GIGYF2: variants seen among roughly 807,000 people sequenced by gnomAD.
The protein encoded by GIGYF2 is GRB10-interacting GYF protein 2.
Under a neutral mutation model 208.1 loss-of-function variants are expected in GIGYF2, and 25 were observed. The ratio of observed to expected loss-of-function variants is 0.12; its 90% CI spans 0.09 to 0.17. GIGYF2 has a LOEUF of 0.17. Ranked by LOEUF, GIGYF2 falls within the 10% of genes least tolerant of loss-of-function variation. GIGYF2 has a pLI of 1.00. For missense variants in GIGYF2, 1,302 were observed against 1,579.4 expected (o/e 0.82, Z 2.98); for synonymous variants, 534 against 543.8 (o/e 0.98, Z 0.25).
chr2:232,836,069 T>TG (rs970707540), intron 22 of GIGYF2, among the ~76,000 whole-genome samples: 5 of 150,962 alleles, frequency 3.3e-5, no homozygotes, highest in African/African-American at 1.2e-4. Flanking sequence ...GAGTTAGCCC[T>TG]GGGTAAACGC....
At chr2:232,761,203 G>T (rs942145875) in intron 7 of GIGYF2, among the ~76,000 whole-genome samples, 193 bp from the exon 8 acceptor site, 11 of 152,128 alleles carry the variant, frequency 7.2e-5, no homozygotes, top group African/African-American at 2.7e-4. Flanking sequence ...CTTTTGGTAG[G>T]TGAGGGGATG....
In GIGYF2 at chr2:232,791,057, C is replaced by G; in HGVS notation, c.980C>G (p.Pro327Arg). ...GAAGAGCAGGAGATGGACTTCCGGCCTGTGGACGAAGGGGAGGAGTGCTCT... is the reference window on the plus strand; with the variant it reads ...GAAGAGCAGGAGATGGACTTCCGGCGTGTGGACGAAGGGGAGGAGTGCTCT... The part of the protein sequence containing the change: ...IPEEQEMDFR[P>R]VDEGEECSDS... The change falls in exon 11 of 29, where the codon CCT becomes CGT. Residue 327 changes from proline to arginine, a missense_variant. Pro to Arg is a moderately radical substitution (Grantham distance 103). Transcript: ENST00000373563. 6.2e-7 allele frequency: 1 copy of G among 1,613,952 alleles called. No homozygotes were observed. Among genetic ancestry groups the G allele is most frequent in the Non-Finnish European group, 8.5e-7 (1 of 1,179,920 alleles).
At chr2:232,826,054 A>G (rs557308617) in intron 21 of GIGYF2, among the ~76,000 whole-genome samples, 3 of 152,242 alleles carry the variant, frequency 2.0e-5, no homozygotes, top group African/African-American at 7.2e-5. Flanking sequence ...TTATGGCTGC[A>G]TAGTATTCCA....
At chr2:232,812,544 A>G (rs1054457410) in intron 18 of GIGYF2, 53 bp downstream of exon 18, 1 of 766,286 alleles carries the variant, frequency 1.3e-6, no homozygotes, top group Non-Finnish European at 2.4e-6. Context: ...GAGTCTAATA[A>G]TAATTTTACA....
intron 28 of GIGYF2, among the ~76,000 whole-genome samples, chr2:232,853,828 A>G (rs1389989636): frequency 2.6e-5 from 4 of 152,198 alleles, no homozygotes; most frequent in African/African-American, 7.2e-5. Flanking sequence ...CCTTACATCA[A>G]ATGGCTGAAT....
chr2:232,710,272 T>C (rs1039390632), intron 2 of GIGYF2, among the ~76,000 whole-genome samples: 9 of 152,024 alleles, frequency 5.9e-5, no homozygotes, highest in Non-Finnish European at 1.5e-5. Context: ...AAAGTTATTT[T>C]AAGAGGGGAT....
chr2:232,829,668 C>T (rs763103976), intron 21 of GIGYF2, among the ~76,000 whole-genome samples: 6 of 152,170 alleles, frequency 3.9e-5, no homozygotes, highest in Admixed American at 6.6e-5. Flanking sequence ...TTTGGGGGCT[C>T]ATCTCTTTCT....
Position 232,742,805 on chromosome 2 carries a change from G to C in GIGYF2, c.42-4810G>C, listed in dbSNP as rs1351030135. 1.1e-4 allele frequency among the ~76,000 whole-genome samples: 17 copies of C among 152,122 alleles called. 1 individual carries two copies. The highest frequency in any genetic ancestry group is 1.1e-3 in the Admixed American group (17 of 15,272). ...TTTAATCCAGTGGCTGATTAGATTG[G>C]GATGTCCTTAACTATGTTTGAGAAT... is the stretch of plus-strand genomic sequence containing the variant. On this transcript the variant is annotated intron_variant, in intron 3 of 28. Coordinates refer to ENST00000373563, the MANE Select transcript of GIGYF2 (RefSeq NM_001103146.3).
chr2:232,744,751 T>G (rs2106308403), intron 3 of GIGYF2, among the ~76,000 whole-genome samples: 1 of 152,040 alleles, frequency 6.6e-6, no homozygotes, highest in East Asian at 1.9e-4. Flanking sequence ...AGGCTGGTCT[T>G]GAACTCTTGT....
chr2:232,822,678 G>A (rs969492847), intron 21 of GIGYF2, among the ~76,000 whole-genome samples: 37 of 152,256 alleles, frequency 2.4e-4, no homozygotes, highest in Middle Eastern at 3.4e-3. Flanking sequence ...ACTCTGTCTC[G>A]GAGGGGGAAA....
chr2:232,782,370 C>G (rs1166822666), intron 8 of GIGYF2, among the ~76,000 whole-genome samples: 1 of 152,100 alleles, frequency 6.6e-6, no homozygotes, highest in Non-Finnish European at 1.5e-5. Flanking sequence ...GCCAGTAGTA[C>G]TATTTCTTTG....
intron 2 of GIGYF2, among the ~76,000 whole-genome samples, chr2:232,704,536 C>G (rs1695998496): frequency 6.6e-6 from 1 of 152,020 alleles, no homozygotes; most frequent in South Asian, 2.1e-4. Context: ...TCCTGAGTAG[C>G]TGAGATTACA....
At chr2:232,809,608 T>C in intron 15 of GIGYF2, 112 bp from the exon 16 acceptor site, 1 of 737,992 alleles carries the variant, frequency 1.4e-6, no homozygotes, top group Non-Finnish European at 2.5e-6. Context: ...AGGGTAGAGC[T>C]GGGAGGTAAA....
chr2:232,707,523 C>T (rs1209776516), intron 2 of GIGYF2, among the ~76,000 whole-genome samples: 4 of 152,050 alleles, frequency 2.6e-5, no homozygotes, highest in African/African-American at 7.2e-5. Context: ...GACCAGATGT[C>T]TTCAGTGTAA....
At chr2:232,701,091 T>G (rs931609315) in intron 1 of GIGYF2, among the ~76,000 whole-genome samples, 2 of 152,076 alleles carry the variant, frequency 1.3e-5, no homozygotes, top group African/African-American at 4.8e-5. Context: ...TTGCCTATAG[T>G]TTTGTGTGAG....
At chr2:232,733,950 T>C (rs1383888769) in intron 2 of GIGYF2, among the ~76,000 whole-genome samples, 1 of 152,138 alleles carries the variant, frequency 6.6e-6, no homozygotes, top group African/African-American at 2.4e-5. Context: ...GGAGGGCCAG[T>C]TATATTTACA....
At chr2:232,779,235 A>G (rs966680581) in intron 8 of GIGYF2, among the ~76,000 whole-genome samples, 5 of 152,214 alleles carry the variant, frequency 3.3e-5, no homozygotes, top group Non-Finnish European at 7.3e-5. Context: ...GTGAATGAAC[A>G]TAAATGGTAA....
chr2:232,718,307 C>T (rs545799359), intron 2 of GIGYF2, among the ~76,000 whole-genome samples: 2 of 152,288 alleles, frequency 1.3e-5, no homozygotes, highest in Non-Finnish European at 2.9e-5. Flanking sequence ...CGTTGTTGGT[C>T]AGGCTGGTCT....
chr2:232,859,274 ACC>A lies in GIGYF2; in HGVS notation c.*2416_*2417del, dbSNP rs925362684. On this transcript the variant is annotated 3_prime_UTR_variant, in exon 29 of 29. Transcript: ENST00000373563. ...CTGAGTTTTGAAGTATTTGTTTTGTACCCTCTCTGCTTCCGGTTTTTTGTTTG... is the reference window on the plus strand; with the variant it reads ...CTGAGTTTTGAAGTATTTGTTTTGTACTCTCTGCTTCCGGTTTTTTGTTTG... 6.6e-6 allele frequency: 1 copy of A among 151,810 alleles called. No homozygotes were observed. The highest frequency in any genetic ancestry group is 2.4e-5 in the African/African-American group (1 of 41,294). The allele number at this position is 151,810 out of a possible 1,614,324, so 9.4% of individuals were successfully genotyped here. A position where few individuals can be genotyped will look rare whatever the true frequency, so the allele number is the denominator to read the frequency against.
Sources: allele counts gnomAD v4.1 joint callset (sites outside exome capture counted in the v4.1 genomes callset), GRCh38; gene constraint gnomAD v4.1.1; transcripts MANE v1.5; gene names NCBI Gene and HGNC (gene_info 2026-07-23, HGNC 2026-07-21).